RBSN: variants seen among roughly 807,000 people sequenced by gnomAD.
RBSN encodes rabenosyn-5.
Under a neutral mutation model 60.5 loss-of-function variants are expected in RBSN, and 34 were observed. That is an observed-to-expected ratio of 0.56 (90% CI 0.43 to 0.75). The LOEUF (loss-of-function observed/expected upper bound fraction) is 0.75. Among genes scored for constraint, RBSN ranks in the 30% least tolerant of loss-of-function variants. The pLI is 0.00. For synonymous variants in RBSN, 322 were observed against 366.9 expected (o/e 0.88, Z 1.40); for missense variants, 845 against 986.8 (o/e 0.86, Z 1.92).
In RBSN at chr3:15,075,586, A is replaced by G; in HGVS notation, c.1206+20T>C. 6.2e-7 allele frequency: 1 copy of G among 1,607,638 alleles called. No individual in the cohort carries two copies. Among genetic ancestry groups the G allele is most frequent in the Non-Finnish European group, 8.5e-7 (1 of 1,174,284 alleles). On this transcript the variant is annotated intron_variant, in intron 13 of 13. Transcript: ENST00000253699. ...AGAGCCACAGGAGGAAGCAGGCCCC[A>G]TATCCCTGGCTTCACTCACTTGTCT...
chr3:15,073,425 G>A lies in RBSN; in HGVS notation c.*357C>T, dbSNP rs987394687. 8.5e-6 allele frequency: 2 copies of A among 236,626 alleles called. No individual in the cohort carries two copies. The highest frequency in any genetic ancestry group is 1.7e-5 in the Non-Finnish European group (2 of 120,800). 14.7% of individuals were successfully genotyped at this position (236,626 alleles called of 1,614,324 possible). On this transcript the variant is annotated 3_prime_UTR_variant, in exon 14 of 14. Coordinates refer to ENST00000253699, the MANE Select transcript of RBSN (RefSeq NM_022340.4). The stretch of plus-strand genomic sequence containing the variant: ...AGGCAGTAGCAAATGGACCCAAGAG[G>A]TACACAGCAGCCATTTCTGCCCTGG...
chr3:15,089,845 G>T (rs945097289), intron 5 of RBSN, among the ~76,000 whole-genome samples: 1 of 152,088 alleles, frequency 6.6e-6, no homozygotes, highest in Non-Finnish European at 1.5e-5. Flanking sequence ...TGATCTGCCC[G>T]CCTCGGCCTC....
intron 9 of RBSN, 43 bp from the exon 10 acceptor site, chr3:15,080,845 A>G (rs1412507544): frequency 9.3e-6 from 14 of 1,507,278 alleles, no homozygotes; most frequent in African/African-American, 1.4e-5. Flanking sequence ...CTCAAGATAT[A>G]GAAACACCTA....
At chr3:15,093,797 G>A (rs938859715) in intron 4 of RBSN, among the ~76,000 whole-genome samples, 2 of 152,122 alleles carry the variant, frequency 1.3e-5, no homozygotes, top group African/African-American at 4.8e-5. Flanking sequence ...AACCTTCCGG[G>A]CTCAAGGGAT....
At chr3:15,079,389 A>C (rs914416013) in intron 10 of RBSN, among the ~76,000 whole-genome samples, 1 of 152,298 alleles carries the variant, frequency 6.6e-6, no homozygotes, top group South Asian at 2.1e-4. Flanking sequence ...ATGTTACTCT[A>C]TGGTAATATA....
chr3:15,078,220 TGTAG>T, intron 10 of RBSN, 59 bp from the exon 11 acceptor site: 1 of 1,475,738 alleles, frequency 6.8e-7, no homozygotes, highest in Non-Finnish European at 9.5e-7. Context: ...GACAGCATAG[TGTAG>T]AAGGACGCTA....
At position 15,074,451 on chromosome 3, in the gene RBSN, G is replaced by C; in HGVS notation, c.1686C>G (p.Ser562Arg). The change falls in exon 14 of 14, where the codon AGC (serine) becomes AGG (arginine). Residue 562 changes from serine to arginine, a missense_variant. Physicochemically the swap from Ser to Arg is moderately radical, Grantham distance 110 (BLOSUM62 -1). Transcript: ENST00000253699. The surrounding 1 kb of genome is among the most constrained non-coding windows in gnomAD (Gnocchi z 6.4). ...AAGCAAGGTGGGTGCGAGGCTCTCT[G>C]CTGGGCTCCAGCTGAAAAGGGCCGA... Reference protein sequence around the residue: ...REIGPFQLEPSREPRTHLAYA... With the variant: ...REIGPFQLEPRREPRTHLAYA... The C allele has an allele frequency of 6.2e-7, 1 of 1,614,218 alleles. No homozygotes were observed. Among genetic ancestry groups the C allele is most frequent in the Non-Finnish European group, 8.5e-7 (1 of 1,180,032 alleles).
Position 15,096,274 on chromosome 3 carries a change from G to T in RBSN, c.-154C>A. Reference sequence around the variant, plus strand: ...TGGCCCTGGATGAGGTTTCCTCTCTGGAGTAGGAGGAGCCCTAAGAAAGAA... The same window carrying T: ...TGGCCCTGGATGAGGTTTCCTCTCTTGAGTAGGAGGAGCCCTAAGAAAGAA... On this transcript the variant is annotated 5_prime_UTR_variant, in exon 4 of 14. Transcript: ENST00000253699. 1 of 688,862 alleles carries T rather than the reference G, an allele frequency of 1.5e-6. No individual in the cohort carries two copies. Among genetic ancestry groups the T allele is most frequent in the Non-Finnish European group, 2.2e-6 (1 of 464,078 alleles). The allele number at this position is 688,862 out of a possible 1,614,324, so 42.7% of individuals were successfully genotyped here. A position where few individuals can be genotyped will look rare whatever the true frequency, so the allele number is the denominator to read the frequency against.
chr3:15,085,819 G>T, intron 6 of RBSN, 42 bp downstream of exon 6: 1 of 1,467,802 alleles, frequency 6.8e-7, no homozygotes, highest in Non-Finnish European at 9.5e-7. Context: ...CCCAGAAAAT[G>T]TGTATTTGTA....
Position 15,096,011 on chromosome 3 carries a change from T to C in RBSN, c.110A>G (p.His37Arg), listed in dbSNP as rs73818020. The change falls in exon 4 of 14, where the codon CAC becomes CGC. Residue 37 changes from histidine to arginine, a missense_variant. Transcript: ENST00000253699. ...YQLHSHYEEE[H>R]SGEDRDVKGQ... The stretch of plus-strand genomic sequence containing the variant: ...TTTGACATCACGGTCTTCCCCTGAG[T>C]GTTCTTCCTCGTAATGTGAGTGAAG... 15 of 1,614,190 alleles carry C rather than the reference T, an allele frequency of 9.3e-6. No homozygotes were observed. The African/African-American group carries it at 1.6e-4, about 17-fold the overall frequency.
chr3:15,074,996 C>T lies in RBSN; in HGVS notation c.1207-66G>A. The T allele has an allele frequency of 3.3e-6, 5 of 1,519,530 alleles. No homozygotes were observed. The South Asian group carries it at 3.8e-5, about 12-fold the overall frequency. The allele number at this position is 1,519,530 out of a possible 1,614,324, so 94.1% of individuals were successfully genotyped here. A position where few individuals can be genotyped will look rare whatever the true frequency, so the allele number is the denominator to read the frequency against. ...GCTGGCAGCAGCCCACACTGTCACCCACCCTCTGTTGTCCCTCTATCCCTG... is the reference window on the plus strand; with the variant it reads ...GCTGGCAGCAGCCCACACTGTCACCTACCCTCTGTTGTCCCTCTATCCCTG... On this transcript the variant is annotated intron_variant, in intron 13 of 13. Transcript: ENST00000253699. The surrounding 1 kb of genome is among the most constrained non-coding windows in gnomAD (Gnocchi z 6.4).
intron 4 of RBSN, among the ~76,000 whole-genome samples, chr3:15,092,926 A>G (rs1004822686): frequency 1.3e-5 from 2 of 152,224 alleles, no homozygotes; most frequent in African/African-American, 4.8e-5. Flanking sequence ...CTTCCAGAGA[A>G]GGCCAATTAA....
intron 5 of RBSN, chr3:15,086,249 T>G (rs1432759112): frequency 2.1e-5 from 6 of 284,268 alleles, no homozygotes; most frequent in Non-Finnish European, 3.2e-5. Context: ...GGTGACAGAG[T>G]GAGACCAACT....
In RBSN at chr3:15,074,438, T is replaced by C; in HGVS notation, c.1699A>G (p.Thr567Ala). ...FQLEPSREPR[T>A]HLAYALDLGS... ...AGATCCAAAGCATAAGCAAGGTGGG[T>C]GCGAGGCTCTCTGCTGGGCTCCAGC... The change falls in exon 14 of 14, where the codon ACC becomes GCC. Residue 567 changes from threonine (T) to alanine (A), a missense_variant. By Grantham distance (58) the Thr-to-Ala change is moderately conservative (BLOSUM62 0). Coordinates refer to ENST00000253699, the MANE Select transcript of RBSN (RefSeq NM_022340.4). This position sits in a 1 kb window ranked among gnomAD's most constrained non-coding sequence, Gnocchi z 6.4. The C allele has an allele frequency of 1.2e-6, 2 of 1,614,160 alleles. No homozygotes were observed. Among genetic ancestry groups the C allele is most frequent in the Non-Finnish European group, 1.7e-6 (2 of 1,180,020 alleles).
rs374498576 is a variant in RBSN at position 15,077,303 on chromosome 3, T to G, written c.999-139A>C. ...GGACAAGTGACTCCATTGAAGTTTC[T>G]TTGAAGGCAAAGCCCATTTCTTACC... On this transcript the variant is annotated intron_variant, in intron 11 of 13. Coordinates refer to ENST00000253699, the MANE Select transcript of RBSN (RefSeq NM_022340.4). This position sits in a 1 kb window ranked among gnomAD's most constrained non-coding sequence, Gnocchi z 4.4. 2.9e-4 allele frequency: 207 copies of G among 720,482 alleles called. No homozygotes were observed. The African/African-American group carries it at 3.2e-3, about 11-fold the overall frequency. The allele number at this position is 720,482 out of a possible 1,614,324, so 44.6% of individuals were successfully genotyped here.
At chr3:15,093,794 C>T (rs1292930826) in intron 4 of RBSN, among the ~76,000 whole-genome samples, 3 of 152,098 alleles carry the variant, frequency 2.0e-5, no homozygotes, top group African/African-American at 4.8e-5. Context: ...TTCAACCTTC[C>T]GGGCTCAAGG....
chr3:15,092,804 T>A (rs1478584841), intron 4 of RBSN, among the ~76,000 whole-genome samples: 1 of 152,186 alleles, frequency 6.6e-6, no homozygotes, highest in Non-Finnish European at 1.5e-5. Flanking sequence ...AAGTAACAAT[T>A]CATTTTTGCA....
chr3:15,070,426 T>A lies in RBSN; in HGVS notation c.*3356A>T, dbSNP rs2042903906. ...CAACTTCATCTGATGCCTGAATCCC[T>A]AAGTCTCTTCCATCTTTTCTCATGA... On this transcript the variant is annotated 3_prime_UTR_variant, in exon 14 of 14. Coordinates refer to ENST00000253699, the MANE Select transcript of RBSN (RefSeq NM_022340.4). 1 of 152,692 alleles carries A rather than the reference T, an allele frequency of 6.5e-6. No homozygotes were observed. The highest frequency in any genetic ancestry group is 2.1e-4 in the South Asian group (1 of 4,832). 9.5% of individuals were successfully genotyped at this position (152,692 alleles called of 1,614,324 possible).
In RBSN at chr3:15,091,744, C is replaced by T. The variant is rs1012965061; in HGVS notation, c.149-1205G>A. 5.3e-5 allele frequency among the ~76,000 whole-genome samples: 8 copies of T among 152,218 alleles called. No homozygotes were observed. The East Asian group carries it at 1.3e-3, about 26-fold the overall frequency. On this transcript the variant is annotated intron_variant, in intron 4 of 13. Transcript: ENST00000253699. ...TAACAGCAGGGCTGGAAGTAGACAC[C>T]TCATGTGCCTGAAATGAGAGCTCCA...
Sources: gnomAD v4.1 joint callset for allele counts (sites outside exome capture counted in the v4.1 genomes callset) on GRCh38, gnomAD v4.1.1 for gene constraint, Gnocchi (gnomAD v3.1) non-coding constraint, MANE v1.5 for transcripts, NCBI Gene and HGNC (gene_info 2026-07-23, HGNC 2026-07-21) for gene names.